The following TCF3 variants were observed in gnomAD, a reference collection of about 807,000 sequenced individuals.
TCF3 encodes the protein transcription factor E2-alpha.
TCF3 carries 54 observed loss-of-function variants against 72.3 expected under a neutral mutation model. The observed-to-expected ratio is 0.75, with a 90% CI of 0.60 to 0.94. The LOEUF (loss-of-function observed/expected upper bound fraction) is 0.94. Among genes scored for constraint, TCF3 ranks in the 40% least tolerant of loss-of-function variants. The probability of loss-of-function intolerance (pLI) is 0.00; values close to 1 mark genes in which losing one functional copy is unlikely to be tolerated. For synonymous variants in TCF3, 525 were observed against 412.6 expected (o/e 1.27, Z -3.30); for missense variants, 1,078 against 934.4 (o/e 1.15, Z -2.00).
At chr19:1,650,314 GACAGGGAGAA>G (rs1174489826) in intron 1 of TCF3, 27 bp from the exon 2 acceptor site, 33 of 1,475,788 alleles carry the variant, frequency 2.2e-5, no homozygotes, top group Non-Finnish European at 2.7e-5. Context: ...GGGACAGATG[GACAGGGAGAA>G]ACAGGGAGGG....
intron 3 of TCF3, among the ~76,000 whole-genome samples, chr19:1,637,224 C>T (rs938905317): frequency 1.4e-5 from 2 of 141,416 alleles, no homozygotes; most frequent in South Asian, 2.4e-4. Context: ...CCACCAGAAC[C>T]GAGGACGCCT....
chr19:1,642,396 T>C (rs999256198), intron 3 of TCF3, among the ~76,000 whole-genome samples: 2 of 152,032 alleles, frequency 1.3e-5, no homozygotes, highest in African/African-American at 4.8e-5. Flanking sequence ...GCTTCCTAGG[T>C]CTGACGCAGC....
At chr19:1,617,653 G>A (rs556013503) in intron 16 of TCF3, among the ~76,000 whole-genome samples, 4 of 152,306 alleles carry the variant, frequency 2.6e-5, no homozygotes, top group African/African-American at 7.2e-5. Flanking sequence ...ATCGGCCAAC[G>A]CCAGCCACCA....
intron 3 of TCF3, among the ~76,000 whole-genome samples, chr19:1,641,001 T>C (rs993166439): frequency 6.6e-6 from 1 of 151,586 alleles, no homozygotes; most frequent in Non-Finnish European, 1.5e-5. Context: ...CTACAAAAAA[T>C]TAGCCAGGCA....
At chr19:1,626,915 G>A (rs896915765) in intron 6 of TCF3, among the ~76,000 whole-genome samples, 5 of 152,032 alleles carry the variant, frequency 3.3e-5, no homozygotes, top group African/African-American at 1.2e-4. Context: ...GAACCCTGGG[G>A]GTGCCCAGCA....
At chr19:1,627,723 C>T (rs967237375) in intron 5 of TCF3, among the ~76,000 whole-genome samples, 2 of 151,944 alleles carry the variant, frequency 1.3e-5, no homozygotes, top group Non-Finnish European at 2.9e-5. Context: ...ATCTGCAGCC[C>T]ACAGAAGCCC....
At chr19:1,612,604 C>A (rs554266894) in intron 18 of TCF3, among the ~76,000 whole-genome samples, 2 of 148,750 alleles carry the variant, frequency 1.3e-5, no homozygotes, top group Admixed American at 6.6e-5. Flanking sequence ...AGTGCAGGTA[C>A]ATGGCTTACA....
Position 1,619,393 on chromosome 19 carries a change from T to C in TCF3, c.1249A>G (p.Thr417Ala), listed in dbSNP as rs2061903612. The change falls in exon 15 of 19, where the codon ACG becomes GCG. Residue 417 changes from threonine to alanine, a missense_variant. Transcript: ENST00000262965. ...AGCGCCCCGTGGCCAGGCAGCAGCG[T>C]GTGCATGTCGCCGGCTGTGCCCACG... ...HAVGTAGDMH[T>A]LLPGHGALAS... The C allele has an allele frequency of 1.3e-6, 2 of 1,593,602 alleles. No homozygotes were observed. Among genetic ancestry groups the C allele is most frequent in the South Asian group, 2.2e-5 (2 of 90,698 alleles).
At position 1,650,333 on chromosome 19, in the gene TCF3, G is replaced by A. The variant is rs1344083989; in HGVS notation, c.-39-46C>T. On this transcript the variant is annotated intron_variant, in intron 1 of 18. Transcript: ENST00000262965. ...CAGATGGACAGGGAGAAACAGGGAG[G>A]GGAGAAGAGTTGTGAGTGGTCAAAG... The A allele has an allele frequency of 3.6e-6, 5 of 1,394,216 alleles. No individual in the cohort carries two copies. In the South Asian group the frequency reaches 3.8e-5, roughly 11 times the overall value. The allele number at this position is 1,394,216 out of a possible 1,614,324, so 86.4% of individuals were successfully genotyped here.
intron 5 of TCF3, among the ~76,000 whole-genome samples, chr19:1,630,229 C>CT (rs2063534752): frequency 6.6e-6 from 1 of 152,168 alleles, no homozygotes; most frequent in Non-Finnish European, 1.5e-5. Context: ...AACCAGGCTC[C>CT]CAGGTGCAGG....
Position 1,650,250 on chromosome 19 carries a change from C to G in TCF3, c.-2G>C. The G allele has an allele frequency of 6.4e-7, 1 of 1,561,064 alleles. No homozygotes were observed. Among genetic ancestry groups the G allele is most frequent in the South Asian group, 1.2e-5 (1 of 84,954 alleles). The stretch of plus-strand genomic sequence containing the variant: ...CGCCATCCTCTGCGGCTGGTTCATT[C>G]TCCTGGGGCCAGGGCGGGCACCTCA... On this transcript the variant is annotated 5_prime_UTR_variant, in exon 2 of 19. Transcript: ENST00000262965.
At position 1,617,823 on chromosome 19, in the gene TCF3, G is replaced by A. The variant is rs917358; in HGVS notation, c.1450+1288C>T. 3.9e-3 allele frequency among the ~76,000 whole-genome samples: 598 copies of A among 152,288 alleles called. 7 individuals carry two copies. The highest frequency in any genetic ancestry group is 0.014 in the African/African-American group (572 of 41,562). On this transcript the variant is annotated intron_variant, in intron 16 of 18. Transcript: ENST00000262965. ...GCCGTCCTGGGCACTGCAGGGTGCT[G>A]AGCAGCATCCCTGGCCCCCACCCAC...
chr19:1,643,728 AG>A (rs1321852130), intron 3 of TCF3, among the ~76,000 whole-genome samples: 1 of 152,266 alleles, frequency 6.6e-6, no homozygotes, highest in Non-Finnish European at 1.5e-5. Context: ...TAAATATCGA[AG>A]AACAGGCAGA....
chr19:1,617,983 T>G (rs1400671963), intron 16 of TCF3, among the ~76,000 whole-genome samples: 1 of 152,164 alleles, frequency 6.6e-6, no homozygotes, highest in African/African-American at 2.4e-5. Context: ...TTGGAAAGTC[T>G]GCCTGGAAAG....
In TCF3 at chr19:1,611,023, G is replaced by A. The variant is rs1040501069; in HGVS notation, c.*684C>T. 7 of 226,268 alleles carry A rather than the reference G, an allele frequency of 3.1e-5. No individual in the cohort carries two copies. The highest frequency in any genetic ancestry group is 1.7e-5 in the Non-Finnish European group (2 of 114,604). The allele number at this position is 226,268 out of a possible 1,614,324, so 14.0% of individuals were successfully genotyped here. On this transcript the variant is annotated 3_prime_UTR_variant, in exon 19 of 19. Coordinates refer to ENST00000262965, the MANE Select transcript of TCF3 (RefSeq NM_003200.5). Reference sequence around the variant, plus strand: ...TCAAGAAATGCAATGCTCAGTCTAGGAACAGCAGCAGAAATAGCGAGAGAC... The same window carrying A: ...TCAAGAAATGCAATGCTCAGTCTAGAAACAGCAGCAGAAATAGCGAGAGAC...
At position 1,646,561 on chromosome 19, in the gene TCF3, C is replaced by A. The variant is rs548752883; in HGVS notation, c.73-134G>T. ...AGACTGCGCTCCATCTAGGCCCGGC[C>A]CGTCCTGCTCCGCCCCATCACAGAC... On this transcript the variant is annotated intron_variant, in intron 2 of 18. Coordinates refer to ENST00000262965, the MANE Select transcript of TCF3 (RefSeq NM_003200.5). 45 of 734,206 alleles carry A rather than the reference C, an allele frequency of 6.1e-5. No individual in the cohort carries two copies. In the East Asian group the frequency reaches 1.2e-3, roughly 19 times the overall value. 45.5% of individuals were successfully genotyped at this position (734,206 alleles called of 1,614,324 possible). A position where few individuals can be genotyped will look rare whatever the true frequency, so the allele number is the denominator to read the frequency against.
chr19:1,623,929 C>A (rs1179574720), intron 8 of TCF3, 22 bp downstream of exon 8: 2 of 1,612,402 alleles, frequency 1.2e-6, no homozygotes, highest in East Asian at 2.2e-5. Flanking sequence ...CTGTGGGGTC[C>A]CTTCTCCCTC....
intron 3 of TCF3, among the ~76,000 whole-genome samples, chr19:1,644,399 G>A (rs1335381255): frequency 6.6e-6 from 1 of 152,180 alleles, no homozygotes; most frequent in African/African-American, 2.4e-5. Flanking sequence ...AACGGGGAGG[G>A]GGTCACCCCT....
rs1448121214 is a variant in TCF3 at position 1,621,521 on chromosome 19, GCCTGGGTGGGTGAGTCCCTCTCTGAC to G, written c.955+291_955+316del. The stretch of plus-strand genomic sequence containing the variant: ...CCTGGGTGGGTGAGTCCCTCTCTGG[GCCTGGGTGGGTGAGTCCCTCTCTGAC>G]CCTGGGTGGGTGAGTCCCTCTCTGA... On this transcript the variant is annotated intron_variant, in intron 11 of 18. Coordinates refer to ENST00000262965, the MANE Select transcript of TCF3 (RefSeq NM_003200.5). Among the ~76,000 whole-genome samples, 171 of 146,904 alleles carry G rather than the reference GCCTGGGTGGGTGAGTCCCTCTCTGAC, an allele frequency of 1.2e-3. 1 individual carries two copies. Among genetic ancestry groups the G allele is most frequent in the East Asian group, 2.7e-3 (13 of 4,850 alleles).
Sources: gnomAD v4.1 joint callset for allele counts (sites outside exome capture counted in the v4.1 genomes callset) on GRCh38, gnomAD v4.1.1 for gene constraint, MANE v1.5 for transcripts, NCBI Gene and HGNC (gene_info 2026-07-23, HGNC 2026-07-21) for gene names.